The following NOS3 variants were observed in gnomAD, a reference collection of about 807,000 sequenced individuals.
NOS3 encodes the protein NOS type III.
Under a neutral mutation model 144.9 loss-of-function variants are expected in NOS3, and 98 were observed. That is an observed-to-expected ratio of 0.68 (90% CI 0.57 to 0.80). NOS3 has a LOEUF of 0.80. NOS3 is among the 30% of genes least tolerant of loss of function. The probability of loss-of-function intolerance (pLI) is 0.00; values close to 1 mark genes in which losing one functional copy is unlikely to be tolerated. For missense variants in NOS3, 1,465 were observed against 1,656.4 expected, an observed-to-expected ratio of 0.88 and a Z score of 2.01; for synonymous variants, 714 against 702.4, an observed-to-expected ratio of 1.02 and a Z score of -0.26.
intron 15 of NOS3, 74 bp from the exon 16 acceptor site, chr7:151,006,815 C>CCTGGGG: frequency 8.2e-7 from 1 of 1,215,472 alleles, no homozygotes; most frequent in South Asian, 1.2e-5. Context: ...TGAAGCCGTC[C>CCTGGGG]CTGGGGCTGG....
intron 17 of NOS3, among the ~76,000 whole-genome samples, chr7:151,008,157 A>C (rs760788782): frequency 6.6e-6 from 1 of 152,224 alleles, no homozygotes; most frequent in Admixed American, 6.5e-5. Flanking sequence ...GATCCATTAC[A>C]GCATCACCGA....
chr7:150,995,153 C>A, intron 2 of NOS3, 50 bp from the exon 3 acceptor site: 1 of 1,103,412 alleles, frequency 9.1e-7, no homozygotes, highest in Non-Finnish European at 1.4e-6. Context: ...TCTGGGAAGG[C>A]TGAAAGGAAA....
Position 150,993,616 on chromosome 7 carries a change from G to A in NOS3, c.-51-137G>A, listed in dbSNP as rs531886460. ...CCCCCCACCCTTCAGGCCAGCGGGC[G>A]TGGAGCTGAGGCTTTAGAGCCTCCC... On this transcript the variant is annotated intron_variant, in intron 1 of 26. Transcript: ENST00000297494. The surrounding 1 kb of genome is among the most constrained non-coding windows in gnomAD (Gnocchi z 4.0). 4.1e-5 allele frequency: 24 copies of A among 581,148 alleles called. No individual in the cohort carries two copies. Among genetic ancestry groups the A allele is most frequent in the Non-Finnish European group, 5.6e-5 (19 of 339,666 alleles). The allele number at this position is 581,148 out of a possible 1,614,324, so 36.0% of individuals were successfully genotyped here.
At chr7:150,994,905 C>A (rs1275055491) in intron 2 of NOS3, among the ~76,000 whole-genome samples, 1 of 152,114 alleles carries the variant, frequency 6.6e-6, no homozygotes, top group African/African-American at 2.4e-5. Flanking sequence ...AGCAGCTTTG[C>A]GGGGGGTGGA....
intron 3 of NOS3, among the ~76,000 whole-genome samples, chr7:150,995,967 T>C (rs535250351): frequency 0.07 from 43 of 618 alleles, 5 homozygotes; most frequent in African/African-American, 0.17. Flanking sequence ...CCCTGCACCC[T>C]TCCTCCCTCT....
In NOS3 at chr7:151,000,362, C is replaced by G. The variant is rs1584903643; in HGVS notation, c.1132-136C>G. 2.0e-5 allele frequency: 13 copies of G among 644,074 alleles called. No individual in the cohort carries two copies. The East Asian group carries it at 3.0e-4, about 15-fold the overall frequency. The allele number at this position is 644,074 out of a possible 1,614,324, so 39.9% of individuals were successfully genotyped here. On this transcript the variant is annotated intron_variant, in intron 9 of 26. Transcript: ENST00000297494. ...GCAGGCAAAAACCTGAACCAGCCCC[C>G]TAGGCAGCCAGGCCTCCCAATGGAC...
At position 150,998,632 on chromosome 7, in the gene NOS3, G is replaced by C; in HGVS notation, c.768G>C (p.Gln256His). 1 of 1,609,412 alleles carries C rather than the reference G, an allele frequency of 6.2e-7. No homozygotes were observed. The highest frequency in any genetic ancestry group is 1.1e-5 in the South Asian group (1 of 90,402). Residue 256 changes from glutamine (Q) to histidine (H), a missense_variant, in exon 7 of 27, where the codon CAG becomes CAC. Coordinates refer to ENST00000297494, the MANE Select transcript of NOS3 (RefSeq NM_000603.5). The surrounding 1 kb of genome is among the most constrained non-coding windows in gnomAD (Gnocchi z 5.0). ...SQLVRYAGYR[Q>H]QDGSVRGDPA... is the part of the protein sequence containing the mutation. The stretch of plus-strand genomic sequence containing the variant: ...TGGTGCGCTACGCGGGCTACCGGCA[G>C]CAGGATGGCTCTGTGCGGGGGGACC...
At chr7:151,006,333 CAAT>C (rs1182941158) in intron 14 of NOS3, 91 bp from the exon 15 acceptor site, 7 of 874,982 alleles carry the variant, frequency 8.0e-6, no homozygotes, top group Admixed American at 2.3e-5. Flanking sequence ...AGTTACAAAT[CAAT>C]AATAATGAGG....
At chr7:151,004,799 C>T (rs986912835) in intron 14 of NOS3, among the ~76,000 whole-genome samples, 3 of 152,188 alleles carry the variant, frequency 2.0e-5, no homozygotes, top group African/African-American at 7.2e-5. Flanking sequence ...GTGGCAGTGA[C>T]AGGAAGAAGG....
At position 151,007,722 on chromosome 7, in the gene NOS3, G is replaced by A. The variant is rs1795228211; in HGVS notation, c.2112+446G>A. Among the ~76,000 whole-genome samples the A allele has an allele frequency of 2.6e-5, 4 of 152,264 alleles. 1 individual carries two copies. Among genetic ancestry groups the A allele is most frequent in the Admixed American group, 2.0e-4 (3 of 15,290 alleles). Reference sequence around the variant, plus strand: ...GAAGCCAGAGGCCAGACAGCCTGGGGCGGTGCCTGCACCGCAGAACTGGTC... The same window carrying A: ...GAAGCCAGAGGCCAGACAGCCTGGGACGGTGCCTGCACCGCAGAACTGGTC... On this transcript the variant is annotated intron_variant, in intron 17 of 26. Coordinates refer to ENST00000297494, the MANE Select transcript of NOS3 (RefSeq NM_000603.5).
Position 151,003,713 on chromosome 7 carries a change from C to T in NOS3, c.1752+1409C>T, listed in dbSNP as rs1162121888. 1.3e-5 allele frequency: 7 copies of T among 524,130 alleles called. No homozygotes were observed. The highest frequency in any genetic ancestry group is 2.2e-5 in the Non-Finnish European group (6 of 275,094). The allele number at this position is 524,130 out of a possible 1,614,324, so 32.5% of individuals were successfully genotyped here. The stretch of plus-strand genomic sequence containing the variant: ...CAGAATAGTTTCGCCTGCTCTAGAA[C>T]GGCACCTAGATGGAAGCACGCAGTG... On this transcript the variant is annotated intron_variant, in intron 14 of 26. Transcript: ENST00000297494. This position sits in a 1 kb window ranked among gnomAD's most constrained non-coding sequence, Gnocchi z 4.1.
chr7:151,009,293 C>T lies in NOS3; in HGVS notation c.2324+26C>T, dbSNP rs1248075990. The T allele has an allele frequency of 1.9e-6, 3 of 1,589,224 alleles. No homozygotes were observed. The African/African-American group carries it at 4.0e-5, about 21-fold the overall frequency. On this transcript the variant is annotated intron_variant, in intron 19 of 26. Transcript: ENST00000297494. ...GTGAGGACGACGGCTTTACCGCCCC[C>T]CCACCCCTGTCCTGAACACCCTGAC... is the stretch of plus-strand genomic sequence containing the variant.
At position 150,993,088 on chromosome 7, in the gene NOS3, C is replaced by T. The variant is rs3918226; in HGVS notation, c.-51-665C>T. 0.056 allele frequency among the ~76,000 whole-genome samples: 8,575 copies of T among 152,272 alleles called. 350 individuals carry two copies. Among genetic ancestry groups the T allele is most frequent in the Non-Finnish European group, 0.083 (5,619 of 68,008 alleles). On this transcript the variant is annotated intron_variant, in intron 1 of 26. Coordinates refer to ENST00000297494, the MANE Select transcript of NOS3 (RefSeq NM_000603.5). This position sits in a 1 kb window ranked among gnomAD's most constrained non-coding sequence, Gnocchi z 4.0. Reference sequence around the variant, plus strand: ...GGGTGGGGGTGGAGGCACTGGAAGGCAGCTTCCTGCTCTTTTGTGTCCCCC... The same window carrying T: ...GGGTGGGGGTGGAGGCACTGGAAGGTAGCTTCCTGCTCTTTTGTGTCCCCC...
At position 151,003,735 on chromosome 7, in the gene NOS3, A is replaced by G. The variant is rs1231568387; in HGVS notation, c.1752+1431A>G. The G allele has an allele frequency of 2.1e-6, 1 of 483,504 alleles. No individual in the cohort carries two copies. The highest frequency in any genetic ancestry group is 4.2e-6 in the Non-Finnish European group (1 of 238,160). 30.0% of individuals were successfully genotyped at this position (483,504 alleles called of 1,614,324 possible). A position where few individuals can be genotyped will look rare whatever the true frequency, so the allele number is the denominator to read the frequency against. ...GAACGGCACCTAGATGGAAGCACGC[A>G]GTGTTGCGGCGTCTCCTGCTGAGGC... On this transcript the variant is annotated intron_variant, in intron 14 of 26. Coordinates refer to ENST00000297494, the MANE Select transcript of NOS3 (RefSeq NM_000603.5). The surrounding 1 kb of genome is among the most constrained non-coding windows in gnomAD (Gnocchi z 4.1).
rs1795390104 is a variant in NOS3 at position 151,014,236 on chromosome 7, A to T, written c.*67A>T. Reference sequence around the variant, plus strand: ...CCCGACTCAGGTCCGCCCGACCAGGATCAGCCCCGCTCCTCCCCTCTTGAG... The same window carrying T: ...CCCGACTCAGGTCCGCCCGACCAGGTTCAGCCCCGCTCCTCCCCTCTTGAG... On this transcript the variant is annotated 3_prime_UTR_variant, in exon 27 of 27. Coordinates refer to ENST00000297494, the MANE Select transcript of NOS3 (RefSeq NM_000603.5). 2 of 1,472,246 alleles carry T rather than the reference A, an allele frequency of 1.4e-6. No individual in the cohort carries two copies. The highest frequency in any genetic ancestry group is 4.0e-5 in the Admixed American group (2 of 50,422). 91.2% of individuals were successfully genotyped at this position (1,472,246 alleles called of 1,614,324 possible). A position where few individuals can be genotyped will look rare whatever the true frequency, so the allele number is the denominator to read the frequency against.
chr7:151,002,806 TTTTATTTTA>T lies in NOS3; in HGVS notation c.1752+506_1752+514del, dbSNP rs148893688. On this transcript the variant is annotated intron_variant, in intron 14 of 26. Coordinates refer to ENST00000297494, the MANE Select transcript of NOS3 (RefSeq NM_000603.5). The surrounding 1 kb of genome is among the most constrained non-coding windows in gnomAD (Gnocchi z 4.1). ...CAACATGTGCAACACTATTCCAGCA[TTTTATTTTA>T]TTTGTTTTATTTATTTTGAGAACCT... The T allele has an allele frequency of 0.45, 84,655 of 190,110 alleles. 19,791 individuals carry two copies. The highest frequency in any genetic ancestry group is 0.53 in the African/African-American group (21,902 of 41,550). 11.8% of individuals were successfully genotyped at this position (190,110 alleles called of 1,614,324 possible).
chr7:150,999,018 G>C lies in NOS3; in HGVS notation c.889G>C (p.Asp297His), dbSNP rs932347800. 6.2e-7 allele frequency: 1 copy of C among 1,612,620 alleles called. No individual in the cohort carries two copies. The highest frequency in any genetic ancestry group is 8.5e-7 in the Non-Finnish European group (1 of 1,179,892). ...GCTGCCCCTGCTGCTGCAGGCCCCA[G>C]ATGATCCCCCAGAACTCTTCCTTCT... The part of the protein sequence containing the change: ...DVLPLLLQAP[D>H]DPPELFLLPP... Residue 297 changes from aspartate to histidine, a missense_variant, in exon 8 of 27, where the codon GAT becomes CAT. Asp to His is a moderately conservative substitution (Grantham distance 81). Around this residue, in one of 5 missense-constraint regions of NOS3, gnomAD observed 745 missense variants for 853.9 expected, o/e 0.87. Transcript: ENST00000297494.
At chr7:151,013,438 C>A in intron 25 of NOS3, 59 bp downstream of exon 25, 3 of 1,548,690 alleles carry the variant, frequency 1.9e-6, no homozygotes, top group Non-Finnish European at 2.6e-6. Flanking sequence ...GGAGGACTCG[C>A]GCTCTCCAGC....
At chr7:151,010,379 C>A in intron 21 of NOS3, 92 bp downstream of exon 21, 1 of 1,275,350 alleles carries the variant, frequency 7.8e-7, no homozygotes, top group Non-Finnish European at 1.1e-6. Flanking sequence ...CAAAGTCCCC[C>A]CTGGACTTTC....
Sources: allele counts gnomAD v4.1 joint callset (sites outside exome capture counted in the v4.1 genomes callset), GRCh38; gene constraint gnomAD v4.1.1; regional missense constraint gnomAD v4.1.1; non-coding constraint Gnocchi (gnomAD v3.1); transcripts MANE v1.5; gene names NCBI Gene and HGNC (gene_info 2026-07-23, HGNC 2026-07-21).